Variants in CRLF2 observed in about 807,000 individuals in gnomAD.
The protein encoded by CRLF2 is cytokine receptor like factor 2, also known as cytokine receptor-like factor 2.
In CRLF2, 41 loss-of-function variants were observed where a neutral mutation model predicts 38.7. That is an observed-to-expected ratio of 1.06 (90% CI 0.83 to 1.37). CRLF2 has a LOEUF of 1.37. CRLF2 is among the 40% of genes most tolerant of loss of function. CRLF2 has a pLI of 0.00. For synonymous variants in CRLF2, 140 were observed against 128.8 expected, an observed-to-expected ratio of 1.09 and a Z score of -0.59; for missense variants, 377 against 322.2, an observed-to-expected ratio of 1.17 and a Z score of -1.30.
intron 6 of CRLF2, among the ~76,000 whole-genome samples, chrX:1,193,994 G>T (rs1340051082): frequency 6.6e-6 from 1 of 151,426 alleles, no homozygotes; most frequent in East Asian, 1.9e-4. Flanking sequence ...GCATGGTGGC[G>T]TCTGCCTGTA....
chrX:1,207,888 G>A (rs1399141549), intron 2 of CRLF2, among the ~76,000 whole-genome samples: 1 of 152,094 alleles, frequency 6.6e-6, no homozygotes, highest in African/African-American at 2.4e-5. Context: ...GATCTCAGAT[G>A]ATCCACCCAC....
intron 4 of CRLF2, among the ~76,000 whole-genome samples, chrX:1,199,941 A>T (rs1266738569): frequency 6.6e-6 from 1 of 151,636 alleles, no homozygotes; most frequent in African/African-American, 2.4e-5. Flanking sequence ...TAAGGTGTGT[A>T]TATATGTGTA....
chrX:1,201,294 GTGTC>G (rs1466600128), intron 4 of CRLF2, among the ~76,000 whole-genome samples: 6 of 151,584 alleles, frequency 4.0e-5, no homozygotes, highest in African/African-American at 1.5e-4. Flanking sequence ...GTGTCTGTGT[GTGTC>G]TGTGCATGTC....
Position 1,196,757 on chromosome X carries a change from C to T in CRLF2, c.767+23G>A, listed in dbSNP as rs377026508. On this transcript the variant is annotated intron_variant, in intron 6 of 7. Transcript: ENST00000400841. Reference sequence around the variant, plus strand: ...TTGTGCAAGCAGGTCCCTCCACCCACGGGCGGCAGGAGTCATCCTTACCTC... The same window carrying T: ...TTGTGCAAGCAGGTCCCTCCACCCATGGGCGGCAGGAGTCATCCTTACCTC... 107 of 1,610,928 alleles carry T rather than the reference C, an allele frequency of 6.6e-5. 1 individual carries two copies. Among genetic ancestry groups the T allele is most frequent in the South Asian group, 2.2e-4 (20 of 90,760 alleles).
At chrX:1,192,736 C>CTTTCT (rs1361284032) in intron 7 of CRLF2, among the ~76,000 whole-genome samples, 13 of 111,852 alleles carry the variant, frequency 1.2e-4, no homozygotes, top group African/African-American at 4.4e-4. Context: ...TTCTTTCTTT[C>CTTTCT]TTTCTTTCTT....
At position 1,210,105 on chromosome X, in the gene CRLF2, AAAAAAAAAAAGAAAAG is replaced by A. The variant is rs1355157622; in HGVS notation, c.80-1213_80-1198del. 1.1e-4 allele frequency among the ~76,000 whole-genome samples: 9 copies of A among 82,940 alleles called. 1 individual carries two copies. The highest frequency in any genetic ancestry group is 6.2e-4 in the African/African-American group (9 of 14,634). The allele number at this position is 82,940 out of a possible 152,430, so 54.4% of individuals were successfully genotyped here. A position where few individuals can be genotyped will look rare whatever the true frequency, so the allele number is the denominator to read the frequency against. ...GGTGACACAGCAAGACTCCCTATCA[AAAAAAAAAAAGAAAAG>A]AAAAGAAAAGAAAAGAAAAGAAAAG... On this transcript the variant is annotated intron_variant, in intron 1 of 7. Coordinates refer to ENST00000400841, the MANE Select transcript of CRLF2 (RefSeq NM_022148.4).
At chrX:1,206,696 G>T in intron 2 of CRLF2, 97 bp from the exon 3 acceptor site, 9 of 1,175,672 alleles carry the variant, frequency 7.7e-6, no homozygotes, top group Non-Finnish European at 1.1e-5. Flanking sequence ...AGGTTGGAGT[G>T]CAATGGCGCG....
chrX:1,195,994 TTA>T (rs1282169241), intron 6 of CRLF2, among the ~76,000 whole-genome samples: 49 of 118,466 alleles, frequency 4.1e-4, no homozygotes, highest in Admixed American at 1.8e-3. Flanking sequence ...TTTTATATAT[TTA>T]TATATATAAT....
At position 1,208,801 on chromosome X, in the gene CRLF2, C is replaced by T. The variant is rs750459538; in HGVS notation, c.182+5G>A. On this transcript the variant is annotated splice_donor_5th_base_variant and intron_variant, in intron 2 of 7. Transcript: ENST00000400841. Reference sequence around the variant, plus strand: ...CGTGGGGTTCGCTTTCTGGGGGCCACTTACCTGTAGTGGAAAGTCAGGTTG... The same window carrying T: ...CGTGGGGTTCGCTTTCTGGGGGCCATTTACCTGTAGTGGAAAGTCAGGTTG... 14 of 1,583,194 alleles carry T rather than the reference C, an allele frequency of 8.8e-6. No individual in the cohort carries two copies. Among genetic ancestry groups the T allele is most frequent in the Admixed American group, 1.7e-5 (1 of 59,896 alleles).
At chrX:1,196,463 G>A (rs1343759118) in intron 6 of CRLF2, among the ~76,000 whole-genome samples, 4 of 151,784 alleles carry the variant, frequency 2.6e-5, no homozygotes, top group Admixed American at 1.3e-4. Flanking sequence ...TGGGATTACA[G>A]GCGTGAACCA....
chrX:1,205,019 G>T (rs1346282841), intron 3 of CRLF2, among the ~76,000 whole-genome samples: 2 of 150,984 alleles, frequency 1.3e-5, no homozygotes, highest in Admixed American at 6.7e-5. Flanking sequence ...TAGAGATGGG[G>T]TTTCACCATG....
At chrX:1,192,713 TTTCTTTCTTTC>T (rs1399075147) in intron 7 of CRLF2, among the ~76,000 whole-genome samples, 6 of 20,226 alleles carry the variant, frequency 3.0e-4, no homozygotes, top group African/African-American at 1.8e-3. Flanking sequence ...TTTTCTTTTC[TTTCTTTCTTTC>T]TTTCTTTCTT....
intron 7 of CRLF2, among the ~76,000 whole-genome samples, chrX:1,192,744 CTTTCTT>C (rs2086413621): frequency 1.7e-5 from 2 of 116,942 alleles, no homozygotes; most frequent in Admixed American, 1.9e-4. Context: ...TTCTTTCTTT[CTTTCTT>C]TCTTTCTTTC....
At chrX:1,211,363 GGATGGATGGA>G (rs2086797197) in intron 1 of CRLF2, among the ~76,000 whole-genome samples, 1 of 132,932 alleles carries the variant, frequency 7.5e-6, no homozygotes, top group African/African-American at 3.6e-5. Context: ...ATGGGTGGAT[GGATGGATGGA>G]TGGATGGATG....
intron 7 of CRLF2, among the ~76,000 whole-genome samples, chrX:1,191,672 C>T (rs1447747139): frequency 6.6e-6 from 1 of 151,574 alleles, no homozygotes; most frequent in Non-Finnish European, 1.5e-5. Flanking sequence ...GCTGGGATTA[C>T]AGACGTGCAC....
chrX:1,198,846 A>T, intron 4 of CRLF2, 122 bp from the exon 5 acceptor site: 1 of 999,100 alleles, frequency 1.0e-6, no homozygotes, highest in Non-Finnish European at 1.5e-6. Flanking sequence ...AGTCTCGCTG[A>T]CTTCAAGAAT....
At chrX:1,192,697 CTTTTCTTTTCT>C (rs2086407992) in intron 7 of CRLF2, among the ~76,000 whole-genome samples, 5 of 117,088 alleles carry the variant, frequency 4.3e-5, no homozygotes, top group East Asian at 4.8e-4. Flanking sequence ...CTTTCTTTTT[CTTTTCTTTTCT>C]TTTCTTTCTT....
chrX:1,196,625 C>T lies in CRLF2; in HGVS notation c.767+155G>A, dbSNP rs182430742. The T allele has an allele frequency of 5.9e-5, 60 of 1,023,222 alleles. No homozygotes were observed. In the East Asian group the frequency reaches 8.4e-4, roughly 14 times the overall value. 63.4% of individuals were successfully genotyped at this position (1,023,222 alleles called of 1,614,324 possible). A position where few individuals can be genotyped will look rare whatever the true frequency, so the allele number is the denominator to read the frequency against. Reference sequence around the variant, plus strand: ...TGTGAGCCACCATGCCCAGCCCCTCCGAAATTTCTTATAATCCACCATCAG... The same window carrying T: ...TGTGAGCCACCATGCCCAGCCCCTCTGAAATTTCTTATAATCCACCATCAG... On this transcript the variant is annotated intron_variant, in intron 6 of 7. Transcript: ENST00000400841.
At chrX:1,193,520 G>T (rs1706676114) in intron 6 of CRLF2, among the ~76,000 whole-genome samples, 1 of 152,086 alleles carries the variant, frequency 6.6e-6, no homozygotes, top group African/African-American at 2.4e-5. Flanking sequence ...GCTCACGCCT[G>T]TAATCCCAGC....
Sources: allele counts gnomAD v4.1 joint callset (sites outside exome capture counted in the v4.1 genomes callset), GRCh38; gene constraint gnomAD v4.1.1; transcripts MANE v1.5; gene names NCBI Gene and HGNC (gene_info 2026-07-23, HGNC 2026-07-21).